The following ANKS1B variants were observed in gnomAD, a reference collection of about 807,000 sequenced individuals.
ANKS1B encodes the protein ankyrin repeat and sterile alpha motif domain containing 1B, also known as ankyrin repeat and sterile alpha motif domain-containing protein 1B.
ANKS1B carries 36 observed loss-of-function variants against 148.3 expected under a neutral mutation model. The ratio of observed to expected loss-of-function variants is 0.24; its 90% CI spans 0.19 to 0.32. ANKS1B has a LOEUF of 0.32. Ranked by LOEUF, ANKS1B falls within the 10% of genes least tolerant of loss-of-function variation. The probability of loss-of-function intolerance (pLI) is 1.00; values close to 1 mark genes in which losing one functional copy is unlikely to be tolerated. For missense variants in ANKS1B, 1,157 were observed against 1,542.6 expected (o/e 0.75, Z 4.19); for synonymous variants, 542 against 560.8 (o/e 0.97, Z 0.47).
Position 99,739,567 on chromosome 12 carries a change from A to T in ANKS1B, c.1128+33355T>A, listed in dbSNP as rs528285516. Among the ~76,000 whole-genome samples the T allele has an allele frequency of 6.6e-5, 10 of 152,246 alleles. No homozygotes were observed. The South Asian group carries it at 2.1e-3, about 32-fold the overall frequency. On this transcript the variant is annotated intron_variant, in intron 8 of 26. Transcript: ENST00000683438. The stretch of plus-strand genomic sequence containing the variant: ...TAGAATTTTGTAAAAATTAAATAAC[A>T]TGTTCTAAACAAAACTAAAAATATT...
intron 17 of ANKS1B, among the ~76,000 whole-genome samples, chr12:98,922,963 G>C (rs1243930553): frequency 6.6e-6 from 1 of 152,298 alleles, no homozygotes; most frequent in Admixed American, 6.5e-5. Flanking sequence ...AGTCTGGGGA[G>C]GGGAGGTGCT....
intron 12 of ANKS1B, among the ~76,000 whole-genome samples, chr12:99,353,498 T>G (rs1325790637): frequency 1.3e-5 from 2 of 152,106 alleles, no homozygotes; most frequent in East Asian, 3.9e-4. Flanking sequence ...TATTGTGTTT[T>G]TAATGCTTTC....
intron 1 of ANKS1B, among the ~76,000 whole-genome samples, chr12:99,949,249 T>C (rs556383678): frequency 2.0e-4 from 31 of 152,228 alleles, no homozygotes; most frequent in African/African-American, 7.5e-4. Flanking sequence ...TGGAGGCTGG[T>C]GGAGAGAAAC....
chr12:98,817,615 A>C (rs2099152082), intron 19 of ANKS1B, among the ~76,000 whole-genome samples: 1 of 152,202 alleles, frequency 6.6e-6, no homozygotes, highest in African/African-American at 2.4e-5. Context: ...TAACAACTGC[A>C]TGGGATTTAG....
At chr12:98,832,620 C>G (rs1284689767) in intron 17 of ANKS1B, among the ~76,000 whole-genome samples, 2 of 152,112 alleles carry the variant, frequency 1.3e-5, no homozygotes, top group Admixed American at 6.5e-5. Flanking sequence ...GGAATGCCCC[C>G]TCTCCCCTCT....
At chr12:99,760,152 T>G (rs1197431825) in intron 8 of ANKS1B, among the ~76,000 whole-genome samples, 1 of 151,794 alleles carries the variant, frequency 6.6e-6, no homozygotes, top group Non-Finnish European at 1.5e-5. Context: ...AATGAAATAC[T>G]GTGCATCAGT....
At chr12:98,968,118 C>A (rs1398241674) in intron 17 of ANKS1B, among the ~76,000 whole-genome samples, 1 of 152,080 alleles carries the variant, frequency 6.6e-6, no homozygotes, top group Non-Finnish European at 1.5e-5. Flanking sequence ...AAATGGGAAC[C>A]TGACATAGGC....
Position 99,255,519 on chromosome 12 carries a change from T to G in ANKS1B, c.1757-8655A>C, listed in dbSNP as rs550956120. On this transcript the variant is annotated intron_variant, in intron 12 of 26. Transcript: ENST00000683438. ...TTTTCTTTCTATGCCTTTTCTGGAT[T>G]TATTCTATTATTTCTTATAAAATTT... Among the ~76,000 whole-genome samples the G allele has an allele frequency of 3.3e-5, 5 of 152,232 alleles. No individual in the cohort carries two copies. In the South Asian group the frequency reaches 1.0e-3, roughly 32 times the overall value.
chr12:98,917,164 C>T (rs1225735506), intron 17 of ANKS1B, among the ~76,000 whole-genome samples: 1 of 152,030 alleles, frequency 6.6e-6, no homozygotes, highest in Non-Finnish European at 1.5e-5. Context: ...TCTCACTATG[C>T]CACCCAGGCT....
intron 15 of ANKS1B, among the ~76,000 whole-genome samples, chr12:99,114,865 T>C (rs2061017097): frequency 6.6e-6 from 1 of 151,908 alleles, no homozygotes; most frequent in Non-Finnish European, 1.5e-5. Flanking sequence ...CCAAGAATCA[T>C]ATGAAAAAAA....
At chr12:99,723,389 A>G (rs1456629473) in intron 8 of ANKS1B, among the ~76,000 whole-genome samples, 1 of 152,130 alleles carries the variant, frequency 6.6e-6, no homozygotes, top group Non-Finnish European at 1.5e-5. Context: ...CTGTGGCCAG[A>G]GTGCCTCTTC....
intron 17 of ANKS1B, among the ~76,000 whole-genome samples, chr12:98,950,093 T>A (rs2099851748): frequency 6.6e-6 from 1 of 152,144 alleles, no homozygotes; most frequent in Admixed American, 6.5e-5. Context: ...AAGAATGAAG[T>A]GAAAGAAGTC....
chr12:99,648,948 A>AGGAGGT (rs2098399972), intron 9 of ANKS1B, among the ~76,000 whole-genome samples: 1 of 152,150 alleles, frequency 6.6e-6, no homozygotes, highest in African/African-American at 2.4e-5. Context: ...TGGTACATTG[A>AGGAGGT]GGAGGTTCCT....
intron 9 of ANKS1B, among the ~76,000 whole-genome samples, chr12:99,634,591 A>T (rs2098213605): frequency 6.6e-6 from 1 of 152,298 alleles, no homozygotes; most frequent in Middle Eastern, 3.4e-3. Context: ...GTAAAATGCT[A>T]ATTTTATCCT....
chr12:99,145,161 G>A (rs1371678746), intron 15 of ANKS1B, among the ~76,000 whole-genome samples: 1 of 152,112 alleles, frequency 6.6e-6, no homozygotes, highest in Non-Finnish European at 1.5e-5. Context: ...GACAGTGAAG[G>A]ACAGTTGAGT....
chr12:99,302,382 TA>T (rs1305737794), intron 12 of ANKS1B, among the ~76,000 whole-genome samples: 1 of 152,086 alleles, frequency 6.6e-6, no homozygotes, highest in African/African-American at 2.4e-5. Context: ...CCATTTGCCT[TA>T]AAACAAAACA....
chr12:98,826,112 A>C (rs1231813170), intron 19 of ANKS1B, among the ~76,000 whole-genome samples: 1 of 152,238 alleles, frequency 6.6e-6, no homozygotes, highest in Non-Finnish European at 1.5e-5. Flanking sequence ...TATGTTTTCA[A>C]CATGATAGGA....
chr12:99,968,067 T>C (rs1321078384), intron 1 of ANKS1B, among the ~76,000 whole-genome samples: 1 of 151,876 alleles, frequency 6.6e-6, no homozygotes, highest in Admixed American at 6.6e-5. Context: ...CTTAGAACCA[T>C]GAAAGGAAGA....
intron 10 of ANKS1B, among the ~76,000 whole-genome samples, chr12:99,483,146 T>C (rs895273026): frequency 6.6e-6 from 1 of 151,958 alleles, no homozygotes; most frequent in Non-Finnish European, 1.5e-5. Flanking sequence ...AGGTCATATA[T>C]AGCTTTTATT....
Sources: gnomAD v4.1 joint callset for allele counts (sites outside exome capture counted in the v4.1 genomes callset) on GRCh38, gnomAD v4.1.1 for gene constraint, MANE v1.5 for transcripts, NCBI Gene and HGNC (gene_info 2026-07-23, HGNC 2026-07-21) for gene names.